Variants in RIMS2 observed in about 807,000 individuals in gnomAD.
RIMS2 encodes the protein regulating synaptic membrane exocytosis 2, also known as regulating synaptic membrane exocytosis protein 2.
RIMS2 carries 59 observed loss-of-function variants against 174.4 expected under a neutral mutation model. That is an observed-to-expected ratio of 0.34 (90% CI 0.27 to 0.42). The LOEUF is 0.42. Among genes scored for constraint, RIMS2 ranks in the 10% least tolerant of loss-of-function variants. RIMS2 has a pLI of 1.00. For synonymous variants in RIMS2, 606 were observed against 572.5 expected (o/e 1.06, Z -0.84); for missense variants, 1,620 against 1,666.3 (o/e 0.97, Z 0.48).
chr8:103,944,722 T>C (rs2083320338), intron 14 of RIMS2, among the ~76,000 whole-genome samples: 1 of 152,078 alleles, frequency 6.6e-6, no homozygotes, highest in South Asian at 2.1e-4. Context: ...TTAGTAATAG[T>C]ATTAAACTTA....
chr8:103,581,275 A>T (rs745507403), intron 1 of RIMS2, among the ~76,000 whole-genome samples: 18 of 152,230 alleles, frequency 1.2e-4, no homozygotes, highest in Non-Finnish European at 2.1e-4. Flanking sequence ...TAAAAAGATC[A>T]TTCACCATGA....
intron 1 of RIMS2, among the ~76,000 whole-genome samples, chr8:103,548,094 TG>T (rs1845942682): frequency 6.6e-6 from 1 of 152,180 alleles, no homozygotes; most frequent in South Asian, 2.1e-4. Flanking sequence ...AAAGAAGATC[TG>T]GTACAATTTC....
intron 17 of RIMS2, among the ~76,000 whole-genome samples, chr8:103,990,207 C>T (rs999009689): frequency 3.3e-5 from 5 of 152,106 alleles, no homozygotes; most frequent in African/African-American, 2.4e-5. Context: ...TTAGGAAGAA[C>T]ATTTGAGGGC....
chr8:103,598,728 C>A (rs1025923595), intron 1 of RIMS2, among the ~76,000 whole-genome samples: 8 of 152,082 alleles, frequency 5.3e-5, no homozygotes, highest in African/African-American at 1.9e-4. Context: ...GTCTTCCAAA[C>A]CAAGAGCATC....
intron 1 of RIMS2, among the ~76,000 whole-genome samples, chr8:103,692,447 CTT>C (rs1351515794): frequency 6.6e-6 from 1 of 152,186 alleles, no homozygotes; most frequent in Non-Finnish European, 1.5e-5. Context: ...ACTCTTCTCT[CTT>C]TTTTCCACAA....
chr8:104,244,310 T>C (rs960981286), intron 19 of RIMS2, among the ~76,000 whole-genome samples: 3 of 152,198 alleles, frequency 2.0e-5, no homozygotes. Flanking sequence ...TTGGAATATC[T>C]TTCTGAAAGT....
intron 19 of RIMS2, among the ~76,000 whole-genome samples, chr8:104,152,459 C>T (rs535257948): frequency 6.6e-6 from 1 of 152,050 alleles, no homozygotes. Flanking sequence ...TTTCAAACTT[C>T]CAATGGGTTT....
chr8:103,942,794 GCATT>G lies in RIMS2; in HGVS notation c.2570_2573del (p.Ala857AspfsTer2). ...GTAGATTTTAATTGAATTAGAAACAGCATTATTAGATGATGAGCCACATTGGTAC... is the reference window on the plus strand; with the variant it reads ...GTAGATTTTAATTGAATTAGAAACAGATTAGATGATGAGCCACATTGGTAC... On this transcript the variant is annotated frameshift_variant, in exon 14 of 24. Coordinates refer to ENST00000504942, the Ensembl canonical transcript of RIMS2. LOFTEE classifies it high-confidence loss of function. 1 of 1,612,186 alleles carries G rather than the reference GCATT, an allele frequency of 6.2e-7. No individual in the cohort carries two copies. The highest frequency in any genetic ancestry group is 8.5e-7 in the Non-Finnish European group (1 of 1,178,544).
At chr8:103,935,716 A>G (rs145132823) in intron 12 of RIMS2, among the ~76,000 whole-genome samples, 6 of 152,348 alleles carry the variant, frequency 3.9e-5, no homozygotes, top group Non-Finnish European at 7.4e-5. Context: ...ATGATCTCCA[A>G]ATAGGTTGGA....
At chr8:103,733,985 C>T (rs2097647404) in intron 2 of RIMS2, among the ~76,000 whole-genome samples, 1 of 145,812 alleles carries the variant, frequency 6.9e-6, no homozygotes, top group South Asian at 2.2e-4. Flanking sequence ...TTCTATGTGG[C>T]CATCTTGCTT....
At chr8:103,919,600 C>T (rs1369241741) in intron 9 of RIMS2, among the ~76,000 whole-genome samples, 4 of 151,634 alleles carry the variant, frequency 2.6e-5, no homozygotes, top group African/African-American at 7.3e-5. Context: ...TGACTTAAAC[C>T]GTGGTGGTAG....
At chr8:104,004,716 AAGAC>A (rs2095511845) in intron 17 of RIMS2, among the ~76,000 whole-genome samples, 1 of 152,156 alleles carries the variant, frequency 6.6e-6, no homozygotes, top group Admixed American at 6.5e-5. Flanking sequence ...ATACAGAAAA[AAGAC>A]AGAATGATTG....
intron 1 of RIMS2, among the ~76,000 whole-genome samples, chr8:103,558,227 T>G (rs1223127905): frequency 6.6e-6 from 1 of 152,160 alleles, no homozygotes; most frequent in Non-Finnish European, 1.5e-5. Flanking sequence ...ATTTTTATTT[T>G]ATTTTATTTT....
intron 1 of RIMS2, among the ~76,000 whole-genome samples, chr8:103,597,261 T>C (rs954526726): frequency 6.6e-6 from 1 of 152,180 alleles, no homozygotes; most frequent in East Asian, 1.9e-4. Flanking sequence ...TCTAGTTCTC[T>C]GATAGCCTGA....
intron 3 of RIMS2, among the ~76,000 whole-genome samples, chr8:103,770,665 T>A (rs1341053533): frequency 1.3e-5 from 2 of 152,200 alleles, no homozygotes; most frequent in Non-Finnish European, 2.9e-5. Flanking sequence ...CTTAGTGTTG[T>A]TGAAATTTCT....
At chr8:103,538,947 A>C (rs1251641257) in intron 1 of RIMS2, among the ~76,000 whole-genome samples, 2 of 152,258 alleles carry the variant, frequency 1.3e-5, no homozygotes, top group African/African-American at 4.8e-5. Context: ...TGGTCATTGC[A>C]AATGTGGTTA....
At chr8:103,579,588 T>C (rs1588168785) in intron 1 of RIMS2, among the ~76,000 whole-genome samples, 1 of 152,328 alleles carries the variant, frequency 6.6e-6, no homozygotes, top group East Asian at 1.9e-4. Context: ...GAGTTTTTTT[T>C]TCTTTCTGTG....
chr8:103,651,438 C>T (rs2096450830), intron 1 of RIMS2, among the ~76,000 whole-genome samples: 1 of 146,130 alleles, frequency 6.8e-6, no homozygotes, highest in African/African-American at 2.6e-5. Flanking sequence ...CAGTTTCTGA[C>T]TGTGAATTTT....
chr8:104,191,048 G>A (rs912772813), intron 19 of RIMS2, among the ~76,000 whole-genome samples: 4 of 151,870 alleles, frequency 2.6e-5, no homozygotes, highest in Non-Finnish European at 5.9e-5. Flanking sequence ...AAGGGCCAGA[G>A]GAGGCAAAGG....
Sources: allele counts gnomAD v4.1 joint callset (sites outside exome capture counted in the v4.1 genomes callset), GRCh38; gene constraint gnomAD v4.1.1; transcripts MANE v1.5; gene names NCBI Gene and HGNC (gene_info 2026-07-23, HGNC 2026-07-21).